USH2A: variants seen among roughly 807,000 people sequenced by gnomAD.
USH2A encodes usherin.
Under a neutral mutation model 538.9 loss-of-function variants are expected in USH2A, and 443 were observed. The ratio of observed to expected loss-of-function variants is 0.82; its 90% confidence interval spans 0.76 to 0.89. The LOEUF is 0.89. Ranked by LOEUF, USH2A falls within the 40% of genes least tolerant of loss-of-function variation. The pLI, the probability that USH2A is intolerant of heterozygous loss-of-function variation, is 0.00. For synonymous variants in USH2A, 2,413 were observed against 2,273.5 expected, an observed-to-expected ratio of 1.06 and a Z score of -1.75; for missense variants, 6,633 against 6,324.8, an observed-to-expected ratio of 1.05 and a Z score of -1.65.
intron 3 of USH2A, among the ~76,000 whole-genome samples, chr1:216,366,450 T>C (rs2038598859): frequency 6.6e-6 from 1 of 152,136 alleles, no homozygotes; most frequent in African/African-American, 2.4e-5. Context: ...TCAGTTTTGC[T>C]GTGAGCCTGA....
intron 43 of USH2A, among the ~76,000 whole-genome samples, chr1:215,871,528 T>A (rs1214730002): frequency 6.6e-6 from 1 of 152,208 alleles, no homozygotes; most frequent in African/African-American, 2.4e-5. Context: ...AAAGTGCTTT[T>A]AAAAATATAT....
In USH2A at chr1:216,229,320, G is replaced by C. The variant is rs55648212; in HGVS notation, c.2993+2633C>G. 4.0e-4 allele frequency among the ~76,000 whole-genome samples: 60 copies of C among 150,694 alleles called. 1 individual carries two copies. In the South Asian group the frequency reaches 0.012, roughly 30 times the overall value. ...AGTCTGCTTTCTCTCTCTCTTTTTTGCTTTTTTTTTTCTGAGACAGGGTCT... is the reference window on the plus strand; with the variant it reads ...AGTCTGCTTTCTCTCTCTCTTTTTTCCTTTTTTTTTTCTGAGACAGGGTCT... On this transcript the variant is annotated intron_variant, in intron 14 of 71. Transcript: ENST00000307340.
At chr1:215,798,625 C>A (rs1662208277) in intron 50 of USH2A, among the ~76,000 whole-genome samples, 1 of 151,968 alleles carries the variant, frequency 6.6e-6, no homozygotes, top group Non-Finnish European at 1.5e-5. Context: ...AGGAAATATT[C>A]TTTTCATTCA....
At chr1:215,949,039 G>A (rs1666844885) in intron 37 of USH2A, among the ~76,000 whole-genome samples, 2 of 152,066 alleles carry the variant, frequency 1.3e-5, no homozygotes, top group Admixed American at 6.5e-5. Context: ...CGTTCTTTGA[G>A]TGTACAGATC....
chr1:216,027,310 C>G (rs546528721), intron 32 of USH2A, among the ~76,000 whole-genome samples: 2 of 152,092 alleles, frequency 1.3e-5, no homozygotes, highest in Admixed American at 6.6e-5. Context: ...TGCAAGAAGG[C>G]GGCAATTTGT....
rs182776790 is a variant in USH2A, at chr1:216,066,894, A to C, written c.6049+3207T>G. 2.0e-5 allele frequency among the ~76,000 whole-genome samples: 3 copies of C among 152,344 alleles called. No homozygotes were observed. In the East Asian group the frequency reaches 5.8e-4, roughly 29 times the overall value. On this transcript the variant is annotated intron_variant, in intron 30 of 71. Coordinates refer to ENST00000307340, the MANE Select transcript of USH2A (RefSeq NM_206933.4). The stretch of plus-strand genomic sequence containing the variant: ...AAGGTATATAGCAGAGATTTATATC[A>C]ATGTCTGACTTCAAAGTTCAAGACT...
At chr1:216,357,823 G>A (rs1318297414) in intron 4 of USH2A, among the ~76,000 whole-genome samples, 2 of 152,050 alleles carry the variant, frequency 1.3e-5, no homozygotes, top group Non-Finnish European at 2.9e-5. Context: ...TTATTACCAC[G>A]ATGACATTGC....
chr1:215,828,888 C>T (rs1201858833), intron 47 of USH2A, among the ~76,000 whole-genome samples: 4 of 152,186 alleles, frequency 2.6e-5, no homozygotes, highest in African/African-American at 9.6e-5. Context: ...TAGCACAGTA[C>T]CTAGTGAAGC....
chr1:215,752,375 G>A (rs984946262), intron 58 of USH2A, among the ~76,000 whole-genome samples: 5 of 152,124 alleles, frequency 3.3e-5, no homozygotes, highest in African/African-American at 1.2e-4. Context: ...GAGTGTTTTG[G>A]TAATGTTACT....
At chr1:216,011,758 C>G (rs1668578687) in intron 32 of USH2A, among the ~76,000 whole-genome samples, 1 of 152,040 alleles carries the variant, frequency 6.6e-6, no homozygotes, top group South Asian at 2.1e-4. Context: ...ATACCTGACG[C>G]ATATACTTTC....
chr1:215,977,497 T>A (rs981900446), intron 35 of USH2A, among the ~76,000 whole-genome samples: 6 of 136,096 alleles, frequency 4.4e-5, no homozygotes, highest in African/African-American at 1.6e-4. Context: ...TTAAAATAAT[T>A]TTTTAAATTA....
At chr1:215,639,335 TA>T in intron 68 of USH2A, 97 bp from the exon 69 acceptor site, 1 of 1,187,648 alleles carries the variant, frequency 8.4e-7, no homozygotes, top group Non-Finnish European at 1.3e-6. Context: ...GCATGAAAAA[TA>T]GGATTCCAAA....
At chr1:216,264,237 C>A (rs2102570854) in intron 11 of USH2A, among the ~76,000 whole-genome samples, 1 of 151,876 alleles carries the variant, frequency 6.6e-6, no homozygotes, top group South Asian at 2.1e-4. Context: ...ATATTCTTCA[C>A]AGAAATAGAA....
intron 22 of USH2A, among the ~76,000 whole-genome samples, chr1:216,096,511 AAAC>A (rs1416604041): frequency 1.3e-5 from 2 of 152,320 alleles, no homozygotes; most frequent in East Asian, 3.9e-4. Context: ...ACAACTCAGA[AAAC>A]AATTTATTTC....
In USH2A at chr1:215,623,158, A is replaced by T. The variant is rs1488522067; in HGVS notation, c.*2623T>A. On this transcript the variant is annotated 3_prime_UTR_variant, in exon 72 of 72. Transcript: ENST00000307340. ...TAAACACATTTCTTAGAGTGTATAA[A>T]AACAACTGTACTCTTACCAAACAGT... The T allele has an allele frequency of 6.6e-6, 1 of 152,126 alleles. No homozygotes were observed. Among genetic ancestry groups the T allele is most frequent in the Non-Finnish European group, 1.5e-5 (1 of 68,004 alleles). The allele number at this position is 152,126 out of a possible 1,614,324, so 9.4% of individuals were successfully genotyped here. A position where few individuals can be genotyped will look rare whatever the true frequency, so the allele number is the denominator to read the frequency against.
chr1:216,344,681 T>G (rs2038140424), intron 4 of USH2A, among the ~76,000 whole-genome samples: 1 of 151,612 alleles, frequency 6.6e-6, no homozygotes, highest in Admixed American at 6.6e-5. Context: ...AGGATGGAAA[T>G]GGGTTAGAGG....
At chr1:215,834,034 TA>T (rs1462866609) in intron 47 of USH2A, among the ~76,000 whole-genome samples, 1 of 151,980 alleles carries the variant, frequency 6.6e-6, no homozygotes, top group Non-Finnish European at 1.5e-5. Context: ...AATGACTATT[TA>T]AAAAATAAGA....
chr1:216,280,923 T>A (rs2036762504), intron 11 of USH2A, among the ~76,000 whole-genome samples: 1 of 152,218 alleles, frequency 6.6e-6, no homozygotes, highest in Admixed American at 6.5e-5. Context: ...CTAATATTAT[T>A]AAGGATTGAA....
At chr1:216,194,172 T>C (rs1039148791) in intron 19 of USH2A, 2 of 152,110 alleles carry the variant, frequency 1.3e-5, no homozygotes, top group African/African-American at 4.8e-5. Flanking sequence ...TCTAAAATGA[T>C]ATTTTGGAGC....
Sources: gnomAD v4.1 joint callset for allele counts (sites outside exome capture counted in the v4.1 genomes callset) on GRCh38, gnomAD v4.1.1 for gene constraint, MANE v1.5 for transcripts, NCBI Gene and HGNC (gene_info 2026-07-23, HGNC 2026-07-21) for gene names.